Variants in SCN8A observed in about 807,000 individuals in gnomAD.
The protein encoded by SCN8A is sodium channel protein type 8 subunit alpha.
In SCN8A, 30 loss-of-function variants were observed where a neutral mutation model predicts 184.1. The observed-to-expected ratio is 0.16, with a 90% CI of 0.12 to 0.22. SCN8A has a LOEUF of 0.22. Among genes scored for constraint, SCN8A ranks in the 10% least tolerant of loss-of-function variants. The probability of loss-of-function intolerance (pLI) is 1.00; values close to 1 mark genes in which losing one functional copy is unlikely to be tolerated. For synonymous variants in SCN8A, 852 were observed against 907.0 expected (o/e 0.94, Z 1.09); for missense variants, 1,057 against 2,498.9 (o/e 0.42, Z 12.30).
chr12:51,703,233 G>T (rs202060684), intron 9 of SCN8A, among the ~76,000 whole-genome samples: 81 of 86,348 alleles, frequency 9.4e-4, no homozygotes, highest in South Asian at 1.4e-3. Flanking sequence ...GTTAGGGTTT[G>T]TTTTTTTTGT....
chr12:51,649,576 G>C (rs1940665190), intron 1 of SCN8A, among the ~76,000 whole-genome samples: 1 of 152,198 alleles, frequency 6.6e-6, no homozygotes, highest in Admixed American at 6.5e-5. Flanking sequence ...CATGGAAGCT[G>C]CCAAGTCTTG....
intron 1 of SCN8A, among the ~76,000 whole-genome samples, chr12:51,623,089 A>G (rs537792992): frequency 1.0e-3 from 159 of 152,174 alleles, no homozygotes; most frequent in African/African-American, 3.5e-3. Context: ...TTAGAATTAG[A>G]AGATGTTCCA....
intron 1 of SCN8A, among the ~76,000 whole-genome samples, chr12:51,628,854 T>C (rs75435895): frequency 0.012 from 1,771 of 152,348 alleles, 15 homozygotes; most frequent in Non-Finnish European, 0.016. Context: ...CTAGTCTGGA[T>C]AATATTTTTA....
chr12:51,622,066 A>G (rs2138598357), intron 1 of SCN8A, among the ~76,000 whole-genome samples: 1 of 152,356 alleles, frequency 6.6e-6, no homozygotes, highest in South Asian at 2.1e-4. Flanking sequence ...CTTCTGTCAC[A>G]TAGAAATGTT....
rs552039321 is a variant in SCN8A, at chr12:51,687,313, A to G, written c.614+94A>G. On this transcript the variant is annotated intron_variant, in intron 5 of 26. Transcript: ENST00000627620. The stretch of plus-strand genomic sequence containing the variant: ...TGTTTGTAGGTGTGCATTTGTGGAC[A>G]CAGCTGTATGAGGAATTAATGGATA... 2.8e-6 allele frequency: 4 copies of G among 1,417,696 alleles called. No individual in the cohort carries two copies. The African/African-American group carries it at 4.3e-5, about 15-fold the overall frequency. The allele number at this position is 1,417,696 out of a possible 1,614,324, so 87.8% of individuals were successfully genotyped here.
chr12:51,636,840 G>A (rs1940328947), intron 1 of SCN8A, among the ~76,000 whole-genome samples: 1 of 152,186 alleles, frequency 6.6e-6, no homozygotes, highest in South Asian at 2.1e-4. Flanking sequence ...AACCAAGTAA[G>A]CAAAATGAAA....
chr12:51,730,353 A>G (rs190949081), intron 12 of SCN8A, among the ~76,000 whole-genome samples: 86 of 152,248 alleles, frequency 5.6e-4, no homozygotes, highest in African/African-American at 1.9e-3. Context: ...GTGTGGGTCT[A>G]TTTCTGGACT....
chr12:51,689,547 T>G, intron 6 of SCN8A: 1 of 153,922 alleles, frequency 6.5e-6, no homozygotes, highest in Non-Finnish European at 1.4e-5. Context: ...TTAATGAAAT[T>G]TTTTAATCAC....
At chr12:51,694,643 GC>G (rs1468523578) in intron 6 of SCN8A, among the ~76,000 whole-genome samples, 3 of 152,212 alleles carry the variant, frequency 2.0e-5, no homozygotes, top group African/African-American at 4.8e-5. Context: ...TTTTGAAGAA[GC>G]ATTCTGCTGT....
intron 1 of SCN8A, among the ~76,000 whole-genome samples, chr12:51,631,672 T>G (rs1248948743): frequency 1.3e-5 from 2 of 152,218 alleles, no homozygotes; most frequent in African/African-American, 4.8e-5. Flanking sequence ...CCTGAAGTCT[T>G]TTGATGATCT....
At chr12:51,777,824 A>C (rs1032667205) in intron 20 of SCN8A, among the ~76,000 whole-genome samples, 2 of 152,182 alleles carry the variant, frequency 1.3e-5, no homozygotes, top group Non-Finnish European at 2.9e-5. Context: ...GTTTCTTGCA[A>C]TCTTTACCTG....
chr12:51,704,807 T>C (rs1318417854), intron 9 of SCN8A, among the ~76,000 whole-genome samples: 1 of 151,050 alleles, frequency 6.6e-6, no homozygotes, highest in African/African-American at 2.4e-5. Context: ...ACCCCGTCTC[T>C]ACTAAAAATA....
intron 6 of SCN8A, among the ~76,000 whole-genome samples, chr12:51,691,144 T>C (rs1941499458): frequency 6.6e-6 from 1 of 152,132 alleles, no homozygotes; most frequent in African/African-American, 2.4e-5. Flanking sequence ...TCTGGCCCCT[T>C]TTAAATATGA....
chr12:51,697,358 G>A (rs1012415439), intron 6 of SCN8A, among the ~76,000 whole-genome samples: 1 of 152,138 alleles, frequency 6.6e-6, no homozygotes, highest in Non-Finnish European at 1.5e-5. Flanking sequence ...TAAGAGGAGA[G>A]AACTTTCTCA....
At chr12:51,698,731 T>C (rs2138733852) in intron 6 of SCN8A, among the ~76,000 whole-genome samples, 1 of 152,376 alleles carries the variant, frequency 6.6e-6, no homozygotes, top group South Asian at 2.1e-4. Context: ...AAGATCATTG[T>C]AGAAAGCAGG....
At chr12:51,667,431 G>A (rs1941053519) in intron 2 of SCN8A, among the ~76,000 whole-genome samples, 1 of 151,662 alleles carries the variant, frequency 6.6e-6, no homozygotes, top group African/African-American at 2.4e-5. Context: ...TGCAATCATA[G>A]GTCACTGCAG....
At chr12:51,730,844 CTCCCCGCTACCCT>C (rs1942229053) in intron 12 of SCN8A, among the ~76,000 whole-genome samples, 8 of 152,306 alleles carry the variant, frequency 5.3e-5, no homozygotes, top group Admixed American at 2.6e-4. Context: ...CTACCTCCAT[CTCCCCGCTACCCT>C]TCCCCACTAC....
At chr12:51,667,777 T>C (rs937641247) in intron 2 of SCN8A, among the ~76,000 whole-genome samples, 4 of 152,196 alleles carry the variant, frequency 2.6e-5, no homozygotes, top group Non-Finnish European at 1.5e-5. Flanking sequence ...ACAGTTGATA[T>C]ATGTGTCTTT....
chr12:51,636,229 C>T (rs765113936), intron 1 of SCN8A, among the ~76,000 whole-genome samples: 2 of 152,196 alleles, frequency 1.3e-5, no homozygotes, highest in Non-Finnish European at 2.9e-5. Flanking sequence ...ATCTCCTGAC[C>T]TCGTGATCCG....
Sources: gnomAD v4.1 joint callset for allele counts (sites outside exome capture counted in the v4.1 genomes callset) on GRCh38, gnomAD v4.1.1 for gene constraint, MANE v1.5 for transcripts, NCBI Gene and HGNC (gene_info 2026-07-23, HGNC 2026-07-21) for gene names.